Variants in ZP1 observed in about 807,000 individuals in gnomAD.
The protein encoded by ZP1 is zona pellucida glycoprotein 1.
ZP1 carries 58 observed loss-of-function variants against 67.4 expected under a neutral mutation model. The ratio of observed to expected loss-of-function variants is 0.86; its 90% CI spans 0.70 to 1.07. ZP1 has a LOEUF of 1.07. Ranked by LOEUF, ZP1 falls within the 50% of genes least tolerant of loss-of-function variation. The probability of loss-of-function intolerance (pLI) is 0.00; values close to 1 mark genes in which losing one functional copy is unlikely to be tolerated. For synonymous variants in ZP1, 333 were observed against 332.7 expected, an observed-to-expected ratio of 1.00 and a Z score of -0.01; for missense variants, 759 against 807.3, an observed-to-expected ratio of 0.94 and a Z score of 0.72.
At chr11:60,873,845 C>T (rs1438827595) in intron 9 of ZP1, 70 bp downstream of exon 9, 6 of 1,589,052 alleles carry the variant, frequency 3.8e-6, no homozygotes, top group Non-Finnish European at 3.4e-6. Flanking sequence ...CCAAATCCCT[C>T]TGGCACCCTG....
At chr11:60,868,203 C>T (rs930684549) in intron 1 of ZP1, among the ~76,000 whole-genome samples, 3 of 152,156 alleles carry the variant, frequency 2.0e-5, no homozygotes, top group Admixed American at 6.5e-5. Flanking sequence ...TGTGCCACCA[C>T]GCCCAGCTAC....
At position 60,869,876 on chromosome 11, in the gene ZP1, G is replaced by A. The variant is rs1344714703; in HGVS notation, c.658G>A (p.Asp220Asn). 13 of 1,570,992 alleles carry A rather than the reference G, an allele frequency of 8.3e-6. No individual in the cohort carries two copies. The highest frequency in any genetic ancestry group is 1.1e-5 in the Non-Finnish European group (13 of 1,157,246). The part of the protein sequence containing the change: ...QPHWGTLEHW[D>N]VNKRDYIGTH... ...CCACTGGGGCACCTTGGAACACTGG[G>A]ATGTGAACAAACGAGATTACATAGG... The change falls in exon 3 of 12, where the codon GAT becomes AAT. Residue 220 changes from aspartate to asparagine, a missense_variant. Coordinates refer to ENST00000278853, the MANE Select transcript of ZP1 (RefSeq NM_207341.4).
In ZP1 at chr11:60,867,623, C is replaced by A. The variant is rs751220559; in HGVS notation, c.62C>A (p.Thr21Asn). Residue 21 changes from threonine (T) to asparagine (N), a missense_variant, in exon 1 of 12, where the codon ACC (threonine) becomes AAC (asparagine). By Grantham distance (65) the Thr-to-Asn change is moderately conservative. Transcript: ENST00000278853. ...GTGGCCCTGCTACTGCTGGTTGCCA[C>A]CCTGGGGCTGGGTAGGTGGCTCCAG... ...YPVALLLLVA[T>N]LGLGRWLQPD... The A allele has an allele frequency of 5.5e-5, 89 of 1,613,628 alleles. No homozygotes were observed. Among genetic ancestry groups the A allele is most frequent in the Non-Finnish European group, 7.4e-5 (87 of 1,179,786 alleles).
chr11:60,869,948 G>C, intron 3 of ZP1, 48 bp downstream of exon 3: 1 of 1,509,924 alleles, frequency 6.6e-7, no homozygotes, highest in East Asian at 2.3e-5. Flanking sequence ...GGGACTTCTG[G>C]AGTACAGGGT....
In ZP1 at chr11:60,873,304, C is replaced by A. The variant is rs768512805; in HGVS notation, c.1240+15C>A. ...GATTGCCAAAGGTATGCTATGCTAT[C>A]CCTGCTCTCTTCTGGCCCCCACTTC... On this transcript the variant is annotated intron_variant, in intron 7 of 11. Coordinates refer to ENST00000278853, the MANE Select transcript of ZP1 (RefSeq NM_207341.4). 5 of 1,583,598 alleles carry A rather than the reference C, an allele frequency of 3.2e-6. No homozygotes were observed. Among genetic ancestry groups the A allele is most frequent in the Non-Finnish European group, 4.3e-6 (5 of 1,160,150 alleles).
rs1168097228 is a variant in ZP1 at position 60,873,373 on chromosome 11, A to G, written c.1241-2A>G. 5 of 1,600,068 alleles carry G rather than the reference A, an allele frequency of 3.1e-6. No individual in the cohort carries two copies. The highest frequency in any genetic ancestry group is 4.3e-6 in the Non-Finnish European group (5 of 1,168,510). On this transcript the variant is annotated splice_acceptor_variant, in intron 7 of 11. Coordinates refer to ENST00000278853, the MANE Select transcript of ZP1 (RefSeq NM_207341.4). LOFTEE classifies it high-confidence loss of function. ...CTGGCTCATGAGTCACTCTCCCTGC[A>G]GACGAGACCTTCAGCTCGTACTATG...
chr11:60,870,221 T>C, intron 3 of ZP1, 111 bp from the exon 4 acceptor site: 2 of 1,134,454 alleles, frequency 1.8e-6, no homozygotes, highest in Non-Finnish European at 2.4e-6. Context: ...GGAGGACATT[T>C]ACTGTGCTGG....
intron 1 of ZP1, among the ~76,000 whole-genome samples, chr11:60,868,587 C>T (rs538548379): frequency 1.3e-5 from 2 of 152,320 alleles, no homozygotes; most frequent in South Asian, 4.1e-4. Flanking sequence ...TGGGGACATG[C>T]CCACACCCAG....
At chr11:60,868,245 C>T (rs1345126940) in intron 1 of ZP1, among the ~76,000 whole-genome samples, 1 of 152,126 alleles carries the variant, frequency 6.6e-6, no homozygotes, top group Admixed American at 6.5e-5. Context: ...TGGAGTTTCA[C>T]GATATTGGTC....
At position 60,871,087 on chromosome 11, in the gene ZP1, C is replaced by T. The variant is rs769994072; in HGVS notation, c.957C>T (p.His319=). The change falls in exon 5 of 12, where the codon CAC becomes CAT. Residue 319 remains histidine, a synonymous_variant. Coordinates refer to ENST00000278853, the MANE Select transcript of ZP1 (RefSeq NM_207341.4). ...YAPTSCSPTQ[H]TEAFVVFYFP... is the part of the protein sequence containing the mutation. ...CCACCAGCTGCTCCCCAACACAGCA[C>T]ACGGAAGCTTTCGTGGTCTTCTACT... The T allele has an allele frequency of 6.2e-7, 1 of 1,614,134 alleles. No individual in the cohort carries two copies. The highest frequency in any genetic ancestry group is 8.5e-7 in the Non-Finnish European group (1 of 1,180,056).
chr11:60,873,571 G>A lies in ZP1; in HGVS notation c.1430+7G>A. 1 of 1,612,830 alleles carries A rather than the reference G, an allele frequency of 6.2e-7. No homozygotes were observed. Among genetic ancestry groups the A allele is most frequent in the South Asian group, 1.1e-5 (1 of 91,052 alleles). ...GGCCCATCCTGTCAGACGGGTGAGTGCCCCCACACTCCCCCCACCTGCTCT... is the reference window on the plus strand; with the variant it reads ...GGCCCATCCTGTCAGACGGGTGAGTACCCCCACACTCCCCCCACCTGCTCT... On this transcript the variant is annotated splice_region_variant and intron_variant, in intron 8 of 11. Coordinates refer to ENST00000278853, the MANE Select transcript of ZP1 (RefSeq NM_207341.4).
At chr11:60,875,353 G>C (rs1471670721) in intron 11 of ZP1, 105 bp downstream of exon 11, 1 of 1,522,784 alleles carries the variant, frequency 6.6e-7, no homozygotes, top group Admixed American at 2.0e-5. Context: ...GGCAAGAGAT[G>C]GTGTCACTGC....
chr11:60,869,782 C>T lies in ZP1; in HGVS notation c.564C>T (p.Ser188=). The change falls in exon 3 of 12, where the codon AGC becomes AGT. Residue 188 remains serine, a synonymous_variant. Coordinates refer to ENST00000278853, the MANE Select transcript of ZP1 (RefSeq NM_207341.4). Reference sequence around the variant, plus strand: ...CCAGCCCACTGGACCCAGGGCACAGCTCTGTCCACCCAACCCCTGCTTTAC... The same window carrying T: ...CCAGCCCACTGGACCCAGGGCACAGTTCTGTCCACCCAACCCCTGCTTTAC... ...AFPSPLDPGH[S]SVHPTPALPS... The T allele has an allele frequency of 6.2e-7, 1 of 1,614,044 alleles. No individual in the cohort carries two copies. Among genetic ancestry groups the T allele is most frequent in the South Asian group, 1.1e-5 (1 of 91,044 alleles).
Position 60,874,938 on chromosome 11 carries a change from C to T in ZP1, c.1578C>T (p.Tyr526=). ...TGTTCTTCTCCTTCCACCAGGTTTA[C>T]TTGTTCTGCAGCACCTCTGCCTGCC... ...GSQRALRGLV[Y]LFCSTSACHT... The change falls in exon 10 of 12, where the codon TAC becomes TAT. Residue 526 remains tyrosine (Y), a synonymous_variant. Transcript: ENST00000278853. The T allele has an allele frequency of 6.2e-7, 1 of 1,614,210 alleles. No homozygotes were observed.
In ZP1 at chr11:60,875,511, C is replaced by G. The variant is rs745756566; in HGVS notation, c.1775-3C>G. ...AGCCCTGCCAATCCCGTCTCTCTGACAGACTCCAATGGGAACTCCAGCCTG... is the reference window on the plus strand; with the variant it reads ...AGCCCTGCCAATCCCGTCTCTCTGAGAGACTCCAATGGGAACTCCAGCCTG... On this transcript the variant is annotated splice_polypyrimidine_tract_variant and splice_region_variant and intron_variant, in intron 11 of 11. Coordinates refer to ENST00000278853, the MANE Select transcript of ZP1 (RefSeq NM_207341.4). 9 of 1,613,810 alleles carry G rather than the reference C, an allele frequency of 5.6e-6. No individual in the cohort carries two copies. The highest frequency in any genetic ancestry group is 1.7e-4 in the Middle Eastern group (1 of 6,054).
Position 60,870,319 on chromosome 11 carries a change from G to A in ZP1, c.683-13G>A. ...TGTGTGCCTTCAGCCTCATCACTCT[G>A]TCCCAACCCTAGGTACCCACCTGAG... On this transcript the variant is annotated splice_polypyrimidine_tract_variant and intron_variant, in intron 3 of 11. Coordinates refer to ENST00000278853, the MANE Select transcript of ZP1 (RefSeq NM_207341.4). 1 of 1,582,578 alleles carries A rather than the reference G, an allele frequency of 6.3e-7. No individual in the cohort carries two copies. Among genetic ancestry groups the A allele is most frequent in the Non-Finnish European group, 8.6e-7 (1 of 1,165,382 alleles).
At position 60,869,448 on chromosome 11, in the gene ZP1, T is replaced by C. The variant is rs73489056; in HGVS notation, c.319-89T>C. 6.2e-3 allele frequency: 9,462 copies of C among 1,516,656 alleles called. 467 individuals are homozygous for C. The African/African-American group carries it at 0.11, about 18-fold the overall frequency. 93.9% of individuals were successfully genotyped at this position (1,516,656 alleles called of 1,614,324 possible). ...ACCATGAATCCAGCTCCCTGCCTAA[T>C]GGCCAGCTCAGCTCTCGTGGGCCCG... On this transcript the variant is annotated intron_variant, in intron 2 of 11. Transcript: ENST00000278853.
Position 60,873,472 on chromosome 11 carries a change from A to G in ZP1, c.1338A>G (p.Thr446=), listed in dbSNP as rs1205717352. 1.2e-6 allele frequency: 2 copies of G among 1,613,440 alleles called. No individual in the cohort carries two copies. The highest frequency in any genetic ancestry group is 1.7e-6 in the Non-Finnish European group (2 of 1,179,646). Residue 446 remains threonine, a synonymous_variant, in exon 8 of 12, where the codon ACA becomes ACG. Coordinates refer to ENST00000278853, the MANE Select transcript of ZP1 (RefSeq NM_207341.4). ...TGGAGGTCCGGCTTCTGCAGAGGAC[A>G]GACCCCAACCTGGTCCTGCTGCTGC... ...VHVEVRLLQR[T]DPNLVLLLHQ...
chr11:60,875,173 C>A lies in ZP1; in HGVS notation c.1699C>A (p.Gln567Lys). Reference protein sequence around the residue: ...SGHRNDTARPQDIVSSPGPVG... With the variant: ...SGHRNDTARPKDIVSSPGPVG... ...TCACCGTAATGACACTGCCAGGCCC[C>A]AGGACATCGTGAGCTCTCCGGGGCC... is the stretch of plus-strand genomic sequence containing the variant. Residue 567 changes from glutamine (Q) to lysine (K), a missense_variant, in exon 11 of 12, where the codon CAG (glutamine) becomes AAG (lysine). Coordinates refer to ENST00000278853, the MANE Select transcript of ZP1 (RefSeq NM_207341.4). 1 of 1,613,908 alleles carries A rather than the reference C, an allele frequency of 6.2e-7. No homozygotes were observed. Among genetic ancestry groups the A allele is most frequent in the Non-Finnish European group, 8.5e-7 (1 of 1,180,042 alleles).
Sources: allele counts gnomAD v4.1 joint callset (sites outside exome capture counted in the v4.1 genomes callset), GRCh38; gene constraint gnomAD v4.1.1; transcripts MANE v1.5; gene names NCBI Gene and HGNC (gene_info 2026-07-23, HGNC 2026-07-21).